XPO1: variants seen among roughly 807,000 people sequenced by gnomAD.
XPO1 encodes exportin 1.
In XPO1, 5 loss-of-function variants were observed where a neutral mutation model predicts 133.3. The observed-to-expected ratio is 0.04, with a 90% CI of 0.02 to 0.08. The LOEUF is 0.08. Ranked by LOEUF, XPO1 falls within the 10% of genes least tolerant of loss-of-function variation. The probability of loss-of-function intolerance (pLI) is 1.00; values close to 1 mark genes in which losing one functional copy is unlikely to be tolerated. For synonymous variants in XPO1, 419 were observed against 408.2 expected (o/e 1.03, Z -0.32); for missense variants, 506 against 1,267.5 (o/e 0.40, Z 9.12).
chr2:61,534,933 T>C (rs1277374913), intron 1 of XPO1, among the ~76,000 whole-genome samples: 2 of 152,132 alleles, frequency 1.3e-5, no homozygotes, highest in Non-Finnish European at 2.9e-5. Flanking sequence ...GAAAAAAAAC[T>C]TTATGGGCAA....
At chr2:61,506,792 T>C (rs979333611) in intron 4 of XPO1, among the ~76,000 whole-genome samples, 67 of 152,060 alleles carry the variant, frequency 4.4e-4, no homozygotes, top group African/African-American at 1.4e-3. Flanking sequence ...AGCTTGAAAT[T>C]TGACAGAAAA....
intron 2 of XPO1, among the ~76,000 whole-genome samples, chr2:61,532,624 T>C (rs1573232149): frequency 6.9e-6 from 1 of 145,762 alleles, no homozygotes; most frequent in African/African-American, 2.5e-5. Context: ...GATCACGAGG[T>C]CAGGAGATGG....
intron 23 of XPO1, among the ~76,000 whole-genome samples, 199 bp from the exon 24 acceptor site, chr2:61,481,480 G>A (rs543545831): frequency 6.8e-4 from 103 of 151,278 alleles, no homozygotes; most frequent in Non-Finnish European, 1.3e-3. Context: ...TAATTTTTGA[G>A]ACAAAGTTTT....
chr2:61,483,997 G>T lies in XPO1; in HGVS notation c.2617C>A (p.Leu873Ile). The change falls in exon 21 of 25, where the codon CTT becomes ATT. Residue 873 changes from leucine to isoleucine, a missense_variant. By Grantham distance (5) the Leu-to-Ile change is conservative. This residue lies in a region of XPO1 where 203 missense variants were observed against 365.9 expected (regional missense o/e 0.55). Transcript: ENST00000401558. ...FLAIPPTQFK[L>I]VLDSIIWAFK... ...GCCCAAATGATGGAATCCAAAACAA[G>T]TTTAAACTGTGTAGGTGGAATAGCA... 6.2e-7 allele frequency: 1 copy of T among 1,613,926 alleles called. No individual in the cohort carries two copies. The highest frequency in any genetic ancestry group is 2.2e-5 in the East Asian group (1 of 44,844).
At chr2:61,482,667 G>A (rs916388621) in intron 22 of XPO1, 128 bp from the exon 23 acceptor site, 63 of 941,552 alleles carry the variant, frequency 6.7e-5, no homozygotes, top group South Asian at 3.0e-4. Flanking sequence ...ATGCCGTGGC[G>A]CAATCTTAGT....
intron 2 of XPO1, among the ~76,000 whole-genome samples, chr2:61,529,702 C>T (rs1254659791): frequency 6.6e-6 from 1 of 151,836 alleles, no homozygotes; most frequent in Admixed American, 6.6e-5. Flanking sequence ...ATATGCTTAT[C>T]CTGGCTTTGA....
intron 4 of XPO1, among the ~76,000 whole-genome samples, chr2:61,516,478 G>A (rs1167661895): frequency 5.3e-5 from 8 of 151,470 alleles, no homozygotes; most frequent in South Asian, 2.1e-4. Context: ...GCAATGGCGC[G>A]ATCTCAGCTC....
At chr2:61,512,930 G>A (rs1001601127) in intron 4 of XPO1, among the ~76,000 whole-genome samples, 14 of 152,064 alleles carry the variant, frequency 9.2e-5, no homozygotes, top group African/African-American at 3.4e-4. Context: ...AATCTGGCAG[G>A]TGGAGTTTGC....
At chr2:61,482,591 C>A in intron 22 of XPO1, 52 bp from the exon 23 acceptor site, 19 of 1,365,450 alleles carry the variant, frequency 1.4e-5, no homozygotes, top group Non-Finnish European at 1.7e-5. Context: ...AACTATAGAT[C>A]TTAGCGTTTT....
intron 4 of XPO1, among the ~76,000 whole-genome samples, chr2:61,510,723 G>A (rs975129122): frequency 6.6e-6 from 1 of 152,144 alleles, no homozygotes; most frequent in South Asian, 2.1e-4. Flanking sequence ...GATCGCTTGA[G>A]CCCAGGAGTT....
intron 19 of XPO1, among the ~76,000 whole-genome samples, chr2:61,487,364 A>T: frequency 6.6e-6 from 1 of 152,374 alleles, no homozygotes; most frequent in East Asian, 1.9e-4. Context: ...CAAATTTTAA[A>T]TACAGTTCTG....
chr2:61,533,644 T>C (rs1699252242), intron 2 of XPO1, 128 bp downstream of exon 2: 4 of 1,147,304 alleles, frequency 3.5e-6, no homozygotes, highest in South Asian at 3.1e-5. Flanking sequence ...TTATGGTTAA[T>C]ACAGAATTCC....
At chr2:61,510,037 T>C (rs931641778) in intron 4 of XPO1, among the ~76,000 whole-genome samples, 3 of 152,120 alleles carry the variant, frequency 2.0e-5, no homozygotes, top group African/African-American at 7.2e-5. Context: ...CCTAGCGCTG[T>C]GGGAGGCCGA....
At chr2:61,500,753 G>A (rs1040146887) in intron 6 of XPO1, among the ~76,000 whole-genome samples, 9 of 151,752 alleles carry the variant, frequency 5.9e-5, no homozygotes, top group African/African-American at 1.2e-4. Flanking sequence ...GAACTAAGAC[G>A]GTGCCACTGC....
At chr2:61,527,927 C>T (rs1244375205) in intron 2 of XPO1, among the ~76,000 whole-genome samples, 1 of 150,918 alleles carries the variant, frequency 6.6e-6, no homozygotes, top group East Asian at 1.9e-4. Context: ...TTCCTTTTTT[C>T]TCTCTTTTTT....
chr2:61,491,673 C>T (rs1243584100), intron 16 of XPO1, among the ~76,000 whole-genome samples: 6 of 152,128 alleles, frequency 3.9e-5, no homozygotes, highest in African/African-American at 1.4e-4. Flanking sequence ...GCAAGCGTAT[C>T]GCTTGAAGCT....
At chr2:61,482,034 CTT>C (rs1195049382) in intron 23 of XPO1, among the ~76,000 whole-genome samples, 730 of 71,324 alleles carry the variant, frequency 0.01, 8 homozygotes, top group African/African-American at 0.033. Context: ...CGTGCGTGGC[CTT>C]TTTTTTTTTT....
chr2:61,484,141 G>T, intron 20 of XPO1, 36 bp from the exon 21 acceptor site: 1 of 1,571,504 alleles, frequency 6.4e-7, no homozygotes, highest in Non-Finnish European at 8.7e-7. Flanking sequence ...TAATGTTTCA[G>T]TGTCTTTGTT....
chr2:61,496,574 A>G (rs1697252512), intron 10 of XPO1, among the ~76,000 whole-genome samples: 1 of 152,182 alleles, frequency 6.6e-6, no homozygotes, highest in Non-Finnish European at 1.5e-5. Context: ...CTAGGGCTGA[A>G]AAGAATTCCT....
Sources: gnomAD v4.1 joint callset for allele counts (sites outside exome capture counted in the v4.1 genomes callset) on GRCh38, gnomAD v4.1.1 for gene constraint, gnomAD v4.1.1 regional missense constraint, MANE v1.5 for transcripts, NCBI Gene and HGNC (gene_info 2026-07-23, HGNC 2026-07-21) for gene names.